The following AARS1 variants were observed in gnomAD, a reference collection of about 807,000 sequenced individuals.
The protein encoded by AARS1 is alanyl-tRNA synthetase 1, also known as alanine--tRNA ligase, cytoplasmic.
In AARS1, 72 loss-of-function variants were observed where a neutral mutation model predicts 108.9. The ratio of observed to expected loss-of-function variants is 0.66; its 90% confidence interval spans 0.55 to 0.80. The LOEUF is 0.80. Ranked by LOEUF, AARS1 falls within the 30% of genes least tolerant of loss-of-function variation. The pLI is 0.00. For missense variants in AARS1, 1,193 were observed against 1,233.2 expected (o/e 0.97, Z 0.49); for synonymous variants, 489 against 465.7 (o/e 1.05, Z -0.64).
intron 1 of AARS1, among the ~76,000 whole-genome samples, chr16:70,287,044 G>A (rs1391433469): frequency 3.3e-5 from 5 of 151,706 alleles, no homozygotes; most frequent in Non-Finnish European, 5.9e-5. Context: ...GAGGTCAGGA[G>A]ATCGAGACCA....
chr16:70,266,170 C>T (rs1480436859), intron 9 of AARS1, among the ~76,000 whole-genome samples: 2 of 151,982 alleles, frequency 1.3e-5, no homozygotes, highest in Non-Finnish European at 2.9e-5. Flanking sequence ...AAAAATTAGC[C>T]GGGCATGGTG....
chr16:70,265,918 C>T lies in AARS1; in HGVS notation c.1223-256G>A, dbSNP rs138433042. Among the ~76,000 whole-genome samples, 1,161 of 152,304 alleles carry T rather than the reference C, an allele frequency of 7.6e-3. 17 individuals are homozygous for T. Among genetic ancestry groups the T allele is most frequent in the African/African-American group, 0.026 (1,084 of 41,560 alleles). ...CCTGGGCTGGGCACCGTGGCTCGCGCCTGTAATCCCAGCACTTTGAGAGGC... is the reference window on the plus strand; with the variant it reads ...CCTGGGCTGGGCACCGTGGCTCGCGTCTGTAATCCCAGCACTTTGAGAGGC... On this transcript the variant is annotated intron_variant, in intron 9 of 20. Coordinates refer to ENST00000261772, the MANE Select transcript of AARS1 (RefSeq NM_001605.3).
chr16:70,271,666 G>A, intron 5 of AARS1, 115 bp downstream of exon 5: 1 of 1,053,244 alleles, frequency 9.5e-7, no homozygotes, highest in Non-Finnish European at 1.4e-6. Flanking sequence ...AGATCAGACA[G>A]GTAATCTGAG....
At chr16:70,255,483 C>A (rs1340256996) in intron 16 of AARS1, among the ~76,000 whole-genome samples, 1 of 152,156 alleles carries the variant, frequency 6.6e-6, no homozygotes, top group Non-Finnish European at 1.5e-5. Flanking sequence ...CAGGCGTGAG[C>A]CACTGCGTCC....
Position 70,271,845 on chromosome 16 carries a change from G to T in AARS1, c.607C>A (p.Leu203Ile). Residue 203 changes from leucine (L) to isoleucine (I), a missense_variant, in exon 5 of 21, where the codon CTT (leucine) becomes ATT (isoleucine). Transcript: ENST00000261772. ...DRIGGRDAAH[L>I]VNQDDPNVLE... ...ACATTAGGGTCGTCCTGGTTGACAA[G>T]ATGTGCGGCGTCCCGACCACCAATC... 1 of 1,613,948 alleles carries T rather than the reference G, an allele frequency of 6.2e-7. No homozygotes were observed. Among genetic ancestry groups the T allele is most frequent in the Non-Finnish European group, 8.5e-7 (1 of 1,179,858 alleles).
At chr16:70,255,632 C>T in intron 16 of AARS1, 96 bp downstream of exon 16, 2 of 1,127,444 alleles carry the variant, frequency 1.8e-6, no homozygotes, top group Non-Finnish European at 1.3e-6. Flanking sequence ...ACTCTGACTG[C>T]AGCAGCCACG....
In AARS1 at chr16:70,268,278, T is replaced by C. The variant is rs1597441035; in HGVS notation, c.1064A>G (p.Gln355Arg). 6.2e-7 allele frequency: 1 copy of C among 1,614,018 alleles called. No homozygotes were observed. The highest frequency in any genetic ancestry group is 1.7e-5 in the Admixed American group (1 of 60,006). The change falls in exon 8 of 21, where the codon CAG becomes CGG. Residue 355 changes from glutamine to arginine, a missense_variant. Gln to Arg is a conservative substitution (Grantham distance 43). Coordinates refer to ENST00000261772, the MANE Select transcript of AARS1 (RefSeq NM_001605.3). ...FFATLVDVVV[Q>R]SLGDAFPELK... ...GCAGAGAAATAAACCTACCAGGGAC[T>C]GGACGACAACATCCACTAACGTAGC... is the stretch of plus-strand genomic sequence containing the variant.
intron 9 of AARS1, among the ~76,000 whole-genome samples, chr16:70,266,982 G>A (rs111583584): frequency 0.015 from 2,328 of 152,062 alleles, 51 homozygotes; most frequent in African/African-American, 0.052. Flanking sequence ...GATTACAGGC[G>A]CATGCCACCA....
intron 14 of AARS1, 65 bp downstream of exon 14, chr16:70,258,915 G>T: frequency 6.5e-7 from 1 of 1,535,910 alleles, no homozygotes; most frequent in Non-Finnish European, 9.0e-7. Flanking sequence ...GCACCGCACT[G>T]CTAAGACTGT....
At chr16:70,262,312 C>T in intron 12 of AARS1, 34 bp downstream of exon 12, 4 of 1,613,942 alleles carry the variant, frequency 2.5e-6, no homozygotes, top group Non-Finnish European at 2.5e-6. Flanking sequence ...ACGCCTGGCC[C>T]TCCTCGGCTA....
intron 20 of AARS1, 119 bp downstream of exon 20, chr16:70,253,149 T>G (rs1228649600): frequency 1.1e-6 from 1 of 946,660 alleles, no homozygotes; most frequent in East Asian, 2.6e-5. Context: ...TAAGGGGTAC[T>G]GGCAAAGGTA....
Position 70,267,821 on chromosome 16 carries a change from G to A in AARS1, c.1072-12C>T. On this transcript the variant is annotated splice_polypyrimidine_tract_variant and intron_variant, in intron 8 of 20. Transcript: ENST00000261772. The stretch of plus-strand genomic sequence containing the variant: ...GGAAATGCATCTCCCTGACAAAGGG[G>A]AAGCAAGATGAGGGGCTGGATGAAG... The A allele has an allele frequency of 2.5e-6, 4 of 1,614,130 alleles. No individual in the cohort carries two copies. The highest frequency in any genetic ancestry group is 3.4e-6 in the Non-Finnish European group (4 of 1,180,032).
chr16:70,264,175 G>C (rs1960210369), intron 11 of AARS1, among the ~76,000 whole-genome samples: 2 of 149,740 alleles, frequency 1.3e-5, no homozygotes, highest in South Asian at 4.3e-4. Flanking sequence ...GAACCCAGGA[G>C]GTGGAGGTTG....
intron 1 of AARS1, among the ~76,000 whole-genome samples, chr16:70,288,787 G>C (rs1169923736): frequency 6.7e-6 from 1 of 149,918 alleles, no homozygotes; most frequent in Non-Finnish European, 1.5e-5. Flanking sequence ...GGCTAGTCTC[G>C]AACCCCTGAC....
chr16:70,261,597 CA>C (rs1182697811), intron 12 of AARS1, among the ~76,000 whole-genome samples: 944 of 58,382 alleles, frequency 0.016, 3 homozygotes, highest in Admixed American at 0.059. Context: ...GACTCCATCT[CA>C]AAAAAAAAAA....
chr16:70,287,087 T>C (rs1263486293), intron 1 of AARS1, among the ~76,000 whole-genome samples: 1 of 151,274 alleles, frequency 6.6e-6, no homozygotes, highest in Non-Finnish European at 1.5e-5. Flanking sequence ...CCGTCTCTAC[T>C]AAAAATACAA....
At chr16:70,253,026 G>C in intron 20 of AARS1, 120 bp from the exon 21 acceptor site, 1 of 1,191,604 alleles carries the variant, frequency 8.4e-7, no homozygotes, top group Non-Finnish European at 1.2e-6. Flanking sequence ...ACTGCTGGAG[G>C]CCGAGACAGA....
At chr16:70,270,966 T>C (rs1386820787) in intron 5 of AARS1, among the ~76,000 whole-genome samples, 1 of 149,940 alleles carries the variant, frequency 6.7e-6, no homozygotes, top group Non-Finnish European at 1.5e-5. Flanking sequence ...CTGGCCAACA[T>C]GATGAAACCC....
intron 2 of AARS1, among the ~76,000 whole-genome samples, chr16:70,281,739 C>T (rs1361585793): frequency 1.3e-5 from 2 of 152,004 alleles, no homozygotes; most frequent in African/African-American, 2.4e-5. Context: ...GTAGTCCTAG[C>T]TACTTGGAAG....
Sources: gnomAD v4.1 joint callset for allele counts (sites outside exome capture counted in the v4.1 genomes callset) on GRCh38, gnomAD v4.1.1 for gene constraint, MANE v1.5 for transcripts, NCBI Gene and HGNC (gene_info 2026-07-23, HGNC 2026-07-21) for gene names.